The following SLC12A1 variants were observed in gnomAD, a reference collection of about 807,000 sequenced individuals.
The protein encoded by SLC12A1 is solute carrier family 12 member 1.
SLC12A1 carries 89 observed loss-of-function variants against 130.4 expected under a neutral mutation model. The observed-to-expected ratio is 0.68, with a 90% confidence interval of 0.58 to 0.81. SLC12A1 has a LOEUF of 0.81. SLC12A1 is among the 40% of genes least tolerant of loss of function. The pLI is 0.00. For synonymous variants in SLC12A1, 499 were observed against 460.0 expected, an observed-to-expected ratio of 1.08 and a Z score of -1.09; for missense variants, 1,310 against 1,336.4, an observed-to-expected ratio of 0.98 and a Z score of 0.31.
intron 13 of SLC12A1, among the ~76,000 whole-genome samples, chr15:48,248,959 G>A (rs1449250127): frequency 2.6e-5 from 4 of 152,130 alleles, no homozygotes; most frequent in African/African-American, 4.8e-5. Flanking sequence ...CAGGAGAATC[G>A]CTTGAACCCG....
rs1597458733 is a variant in SLC12A1, at chr15:48,291,315, T to C, written c.2874-463T>C. On this transcript the variant is annotated intron_variant, in intron 23 of 26. Coordinates refer to ENST00000380993, the MANE Select transcript of SLC12A1 (RefSeq NM_000338.3). ...TTTATAATGTTATAATATGTTTATA[T>C]ATTATATAATTTAGATATATGTTTG... Among the ~76,000 whole-genome samples the C allele has an allele frequency of 2.0e-5, 3 of 149,946 alleles. No individual in the cohort carries two copies. The East Asian group carries it at 5.8e-4, about 29-fold the overall frequency.
intron 11 of SLC12A1, among the ~76,000 whole-genome samples, chr15:48,245,597 AT>A (rs1042432838): frequency 1.3e-5 from 2 of 152,106 alleles, no homozygotes; most frequent in African/African-American, 4.8e-5. Flanking sequence ...AAAGGACACG[AT>A]TTTATTCTTT....
chr15:48,222,298 C>T (rs1055764434), intron 4 of SLC12A1: 2 of 152,056 alleles, frequency 1.3e-5, no homozygotes, highest in South Asian at 2.1e-4. Context: ...TTCTTTTTAA[C>T]GCAACTTATT....
chr15:48,236,092 AACACACACACACACACACACAC>A (rs56371843), intron 9 of SLC12A1, among the ~76,000 whole-genome samples: 6 of 145,800 alleles, frequency 4.1e-5, no homozygotes, highest in African/African-American at 1.0e-4. Context: ...AGCCATTTCT[AACACACACACACACACACACAC>A]ACACACACAC....
chr15:48,269,735 A>G lies in SLC12A1; in HGVS notation c.2373A>G (p.Thr791=). The stretch of plus-strand genomic sequence containing the variant: ...AAAACTGGAGGAAAGCTCCCTTGAC[A>G]GAGATTGAGAACTACGTGGGAATCA... ...YKKNWRKAPL[T]EIENYVGIIH... is the part of the protein sequence containing the mutation. The change falls in exon 19 of 27, where the codon ACA becomes ACG. Residue 791 remains threonine (T), a synonymous_variant. Coordinates refer to ENST00000380993, the MANE Select transcript of SLC12A1 (RefSeq NM_000338.3). The G allele has an allele frequency of 3.1e-6, 5 of 1,607,122 alleles. No individual in the cohort carries two copies. Among genetic ancestry groups the G allele is most frequent in the Non-Finnish European group, 4.3e-6 (5 of 1,173,964 alleles).
intron 20 of SLC12A1, among the ~76,000 whole-genome samples, chr15:48,275,216 A>G (rs2041939237): frequency 6.6e-6 from 1 of 152,218 alleles, no homozygotes; most frequent in Admixed American, 6.5e-5. Flanking sequence ...GTATGAAATA[A>G]AGAACATATT....
At chr15:48,214,729 A>T (rs928026088) in intron 2 of SLC12A1, among the ~76,000 whole-genome samples, 2 of 151,954 alleles carry the variant, frequency 1.3e-5, no homozygotes, top group African/African-American at 4.8e-5. Flanking sequence ...TCTTACTGGG[A>T]TTGGTTTTTA....
At chr15:48,242,990 G>T (rs1406350618) in intron 10 of SLC12A1, among the ~76,000 whole-genome samples, 1 of 152,046 alleles carries the variant, frequency 6.6e-6, no homozygotes, top group Non-Finnish European at 1.5e-5. Flanking sequence ...ATGAGTAAAG[G>T]TATAGACCTG....
At position 48,293,815 on chromosome 15, in the gene SLC12A1, C is replaced by T. The variant is rs566321180; in HGVS notation, c.2960+1951C>T. ...ACCTCAGCACTTTGAGAGGCCAAGA[C>T]GGGAGGATCACTTGAGCCCAGGAGT... On this transcript the variant is annotated intron_variant, in intron 24 of 26. Transcript: ENST00000380993. Among the ~76,000 whole-genome samples, 258 of 152,110 alleles carry T rather than the reference C, an allele frequency of 1.7e-3. 2 individuals carry two copies. The highest frequency in any genetic ancestry group is 2.2e-3 in the Admixed American group (33 of 15,290).
Position 48,302,835 on chromosome 15 carries a change from G to A in SLC12A1, c.3250G>A (p.Val1084Ile), listed in dbSNP as rs2042251239. Reference protein sequence around the residue: ...LEILTKNLPPVLLVRGNHKNV... With the variant: ...LEILTKNLPPILLVRGNHKNV... The stretch of plus-strand genomic sequence containing the variant: ...AATCCTCACAAAGAACCTCCCACCT[G>A]TCTTACTAGTTAGAGGAAATCACAA... Residue 1084 changes from valine (V) to isoleucine (I), a missense_variant, in exon 27 of 27, where the codon GTC (valine) becomes ATC (isoleucine). Coordinates refer to ENST00000380993, the MANE Select transcript of SLC12A1 (RefSeq NM_000338.3). The A allele has an allele frequency of 6.2e-7, 1 of 1,612,764 alleles. No individual in the cohort carries two copies. Among genetic ancestry groups the A allele is most frequent in the East Asian group, 2.2e-5 (1 of 44,834 alleles).
intron 17 of SLC12A1, among the ~76,000 whole-genome samples, chr15:48,266,587 C>T (rs1190016808): frequency 6.6e-6 from 1 of 151,944 alleles, no homozygotes; most frequent in African/African-American, 2.4e-5. Context: ...AATATTGAGC[C>T]CTGCTTCAAT....
At chr15:48,293,635 T>A (rs1311351429) in intron 24 of SLC12A1, among the ~76,000 whole-genome samples, 1 of 152,232 alleles carries the variant, frequency 6.6e-6, no homozygotes, top group Admixed American at 6.5e-5. Context: ...AATAACTAAC[T>A]GAAAATTATT....
intron 24 of SLC12A1, among the ~76,000 whole-genome samples, chr15:48,296,240 T>A (rs2042176598): frequency 6.6e-6 from 1 of 152,234 alleles, no homozygotes; most frequent in African/African-American, 2.4e-5. Flanking sequence ...TAATTTTAAA[T>A]GCCCTCAAAT....
At position 48,220,703 on chromosome 15, in the gene SLC12A1, G is replaced by A. The variant is rs749613571; in HGVS notation, c.490G>A (p.Ala164Thr). The A allele has an allele frequency of 1.3e-5, 21 of 1,613,716 alleles. No individual in the cohort carries two copies. In the East Asian group the frequency reaches 4.7e-4, roughly 36 times the overall value. The change falls in exon 3 of 27, where the codon GCT becomes ACT. Residue 164 changes from alanine (A) to threonine (T), a missense_variant. Transcript: ENST00000380993. Reference sequence around the variant, plus strand: ...TGATGGGATACCTGGAGATGAACAAGCTGAAAATAAGGAAGATGATCAAGC... The same window carrying A: ...TGATGGGATACCTGGAGATGAACAAACTGAAAATAAGGAAGATGATCAAGC... ...NGDGIPGDEQ[A>T]ENKEDDQAGV...
At chr15:48,289,353 T>C (rs1344138694) in intron 23 of SLC12A1, among the ~76,000 whole-genome samples, 2 of 146,896 alleles carry the variant, frequency 1.4e-5, no homozygotes, top group East Asian at 4.1e-4. Flanking sequence ...ATTTTTAACA[T>C]TTTCTCTTCC....
At chr15:48,300,054 G>A (rs1233636825) in intron 25 of SLC12A1, among the ~76,000 whole-genome samples, 3 of 152,150 alleles carry the variant, frequency 2.0e-5, no homozygotes, top group Admixed American at 6.5e-5. Context: ...TCTTAGGGCC[G>A]GGTGCACTGG....
chr15:48,245,142 A>C (rs2041562944), intron 11 of SLC12A1, among the ~76,000 whole-genome samples: 1 of 152,204 alleles, frequency 6.6e-6, no homozygotes, highest in South Asian at 2.1e-4. Flanking sequence ...TCAGGGAGAG[A>C]TCATCTCCTG....
intron 21 of SLC12A1, among the ~76,000 whole-genome samples, chr15:48,286,422 T>G (rs983083593): frequency 6.6e-6 from 1 of 152,214 alleles, no homozygotes; most frequent in African/African-American, 2.4e-5. Context: ...ATAAGACTGT[T>G]CTGGATGCTA....
intron 6 of SLC12A1, among the ~76,000 whole-genome samples, chr15:48,230,132 T>A (rs1455402500): frequency 6.6e-6 from 1 of 152,208 alleles, no homozygotes; most frequent in East Asian, 1.9e-4. Context: ...ATACATATTT[T>A]CACTTAATAC....
Sources: allele counts gnomAD v4.1 joint callset (sites outside exome capture counted in the v4.1 genomes callset), GRCh38; gene constraint gnomAD v4.1.1; transcripts MANE v1.5; gene names NCBI Gene and HGNC (gene_info 2026-07-23, HGNC 2026-07-21).